The following PTPRG variants were observed in gnomAD, a reference collection of about 807,000 sequenced individuals.
PTPRG encodes receptor-type tyrosine-protein phosphatase gamma.
PTPRG carries 102 observed loss-of-function variants against 165.3 expected under a neutral mutation model. The observed-to-expected ratio is 0.62, with a 90% CI of 0.53 to 0.73. PTPRG has a LOEUF of 0.73. Ranked by LOEUF, PTPRG falls within the 30% of genes least tolerant of loss-of-function variation. The pLI is 0.00. For missense variants in PTPRG, 1,866 were observed against 1,861.4 expected (o/e 1.00, Z -0.05); for synonymous variants, 675 against 669.5 (o/e 1.01, Z -0.13).
At chr3:61,905,016 T>G (rs1455291577) in intron 2 of PTPRG, among the ~76,000 whole-genome samples, 1 of 152,120 alleles carries the variant, frequency 6.6e-6, no homozygotes. Flanking sequence ...AAAGGCTTTT[T>G]TTCCCCCAGT....
intron 1 of PTPRG, among the ~76,000 whole-genome samples, chr3:61,590,968 G>C (rs2106821482): frequency 6.6e-6 from 1 of 152,192 alleles, no homozygotes. Flanking sequence ...AAATTAGCCA[G>C]GTATGATGGT....
At chr3:61,733,038 A>G (rs2032576779) in intron 1 of PTPRG, among the ~76,000 whole-genome samples, 1 of 152,166 alleles carries the variant, frequency 6.6e-6, no homozygotes, top group Non-Finnish European at 1.5e-5. Context: ...GGGTTTTTAC[A>G]GTGTGAAATC....
At chr3:61,672,841 T>G (rs1348701188) in intron 1 of PTPRG, among the ~76,000 whole-genome samples, 1 of 145,912 alleles carries the variant, frequency 6.9e-6, no homozygotes, top group Non-Finnish European at 1.5e-5. Context: ...GAGAGGGCTC[T>G]TAAGGGTCCA....
chr3:62,032,590 T>C (rs1253915759), intron 4 of PTPRG, among the ~76,000 whole-genome samples: 5 of 152,124 alleles, frequency 3.3e-5, no homozygotes, highest in Non-Finnish European at 7.4e-5. Flanking sequence ...AAATCTGATT[T>C]AGTGAAGACG....
At chr3:61,893,209 T>C (rs2038264393) in intron 2 of PTPRG, among the ~76,000 whole-genome samples, 1 of 152,188 alleles carries the variant, frequency 6.6e-6, no homozygotes, top group Non-Finnish European at 1.5e-5. Context: ...AGATAGCATA[T>C]TTTGGGAAAG....
intron 2 of PTPRG, chr3:61,771,294 A>G (rs1173559332): frequency 6.6e-6 from 1 of 152,066 alleles, no homozygotes; most frequent in African/African-American, 2.4e-5. Flanking sequence ...GTTCAGCTCA[A>G]GTTTGCTCTG....
At chr3:61,699,656 G>A (rs772902120) in intron 1 of PTPRG, among the ~76,000 whole-genome samples, 1 of 152,110 alleles carries the variant, frequency 6.6e-6, no homozygotes, top group Non-Finnish European at 1.5e-5. Context: ...ATGAAAGCAG[G>A]TTTGCTTTAT....
chr3:62,149,957 G>T (rs919411298), intron 6 of PTPRG, among the ~76,000 whole-genome samples: 3 of 152,106 alleles, frequency 2.0e-5, no homozygotes, highest in African/African-American at 7.2e-5. Context: ...TTTAAACCAG[G>T]CAGAGTCCCT....
chr3:61,764,388 C>T (rs552208176), intron 2 of PTPRG, among the ~76,000 whole-genome samples: 11 of 152,228 alleles, frequency 7.2e-5, no homozygotes, highest in Non-Finnish European at 1.3e-4. Flanking sequence ...AAACTCAGTT[C>T]GAGATTAGGG....
chr3:62,200,236 T>C (rs1000635194), intron 10 of PTPRG, among the ~76,000 whole-genome samples: 1 of 152,134 alleles, frequency 6.6e-6, no homozygotes, highest in Non-Finnish European at 1.5e-5. Context: ...ATGGTTAAGA[T>C]AGTAATTATT....
chr3:61,801,966 A>G (rs1421063347), intron 2 of PTPRG, among the ~76,000 whole-genome samples: 1 of 149,644 alleles, frequency 6.7e-6, no homozygotes, highest in Non-Finnish European at 1.5e-5. Flanking sequence ...TGGAGGTTGC[A>G]GTGAGCTGAG....
intron 14 of PTPRG, 41 bp from the exon 15 acceptor site, chr3:62,243,766 G>A (rs1701219455): frequency 8.0e-7 from 1 of 1,247,052 alleles, no homozygotes; most frequent in Non-Finnish European, 1.2e-6. Context: ...CTCAAATAAA[G>A]TATATTCTAT....
rs148352398 is a variant in PTPRG at position 61,887,123 on chromosome 3, CATATATATATATATATATATATATATAT to C, written c.191-102481_191-102454del. On this transcript the variant is annotated intron_variant, in intron 2 of 29. Coordinates refer to ENST00000474889, the MANE Select transcript of PTPRG (RefSeq NM_002841.4). ...ATTTTTAAAGTATAACCATAGCATG[CATATATATATATATATATATATATATAT>C]ATATATATATATATATATATTTTTA... is the stretch of plus-strand genomic sequence containing the variant. 4.8e-3 allele frequency among the ~76,000 whole-genome samples: 415 copies of C among 85,948 alleles called. 32 individuals are homozygous for C. In the South Asian group the frequency reaches 0.15, roughly 31 times the overall value. The allele number at this position is 85,948 out of a possible 152,430, so 56.4% of individuals were successfully genotyped here.
intron 16 of PTPRG, among the ~76,000 whole-genome samples, chr3:62,257,966 G>GA (rs1283532478): frequency 3.3e-5 from 5 of 151,868 alleles, no homozygotes; most frequent in African/African-American, 7.3e-5. Context: ...CCTGTCTCAG[G>GA]AAAAAACACC....
intron 1 of PTPRG, among the ~76,000 whole-genome samples, chr3:61,588,676 G>A (rs929729020): frequency 6.6e-6 from 1 of 152,134 alleles, no homozygotes; most frequent in Non-Finnish European, 1.5e-5. Context: ...AGACTCCTGA[G>A]CGCAGATAGT....
chr3:61,731,132 C>A lies in PTPRG; in HGVS notation c.86-17746C>A, dbSNP rs1334872223. Among the ~76,000 whole-genome samples the A allele has an allele frequency of 2.0e-5, 3 of 152,144 alleles. No homozygotes were observed. In the East Asian group the frequency reaches 5.8e-4, roughly 29 times the overall value. On this transcript the variant is annotated intron_variant, in intron 1 of 29. Transcript: ENST00000474889. ...CTAAAGCAGTGAATAGACCAAGGAA[C>A]GATTTGGCTCCATAAAAATAGTTTT...
intron 1 of PTPRG, among the ~76,000 whole-genome samples, chr3:61,666,682 AATT>A (rs769145295): frequency 2.6e-5 from 4 of 152,180 alleles, no homozygotes; most frequent in Non-Finnish European, 5.9e-5. Flanking sequence ...TGGGCTGGAT[AATT>A]ATTTGTTATT....
At chr3:62,063,278 A>G (rs148869041) in intron 4 of PTPRG, among the ~76,000 whole-genome samples, 812 of 152,330 alleles carry the variant, frequency 5.3e-3, no homozygotes, top group Middle Eastern at 0.01. Flanking sequence ...CATCAAGCCA[A>G]GGATTTTGAA....
chr3:61,926,637 A>G (rs1285027454), intron 2 of PTPRG, among the ~76,000 whole-genome samples: 1 of 103,642 alleles, frequency 9.6e-6, no homozygotes, highest in Non-Finnish European at 1.8e-5. Context: ...CCTTCCTTCC[A>G]CTAACATCAT....
Sources: gnomAD v4.1 joint callset for allele counts (sites outside exome capture counted in the v4.1 genomes callset) on GRCh38, gnomAD v4.1.1 for gene constraint, MANE v1.5 for transcripts, NCBI Gene and HGNC (gene_info 2026-07-23, HGNC 2026-07-21) for gene names.